Variants in UMODL1 observed in about 807,000 individuals in gnomAD.
UMODL1 encodes the protein uromodulin like 1, also known as uromodulin-like 1.
UMODL1 carries 128 observed loss-of-function variants against 136.3 expected under a neutral mutation model. That is an observed-to-expected ratio of 0.94 (90% CI 0.81 to 1.09). The LOEUF is 1.09. UMODL1 is among the 50% of genes least tolerant of loss of function. The probability of loss-of-function intolerance (pLI) is 0.00; values close to 1 mark genes in which losing one functional copy is unlikely to be tolerated. For synonymous variants in UMODL1, 721 were observed against 720.0 expected (o/e 1.00, Z -0.02); for missense variants, 1,766 against 1,725.6 (o/e 1.02, Z -0.41).
chr21:42,116,282 A>G (rs1273272809), intron 14 of UMODL1, among the ~76,000 whole-genome samples: 3 of 151,204 alleles, frequency 2.0e-5, no homozygotes, highest in Non-Finnish European at 4.4e-5. Context: ...TGAACCCAGG[A>G]GGCAGAGGTT....
intron 2 of UMODL1, among the ~76,000 whole-genome samples, chr21:42,079,631 C>T (rs1266282502): frequency 6.6e-6 from 1 of 152,232 alleles, no homozygotes; most frequent in Non-Finnish European, 1.5e-5. Flanking sequence ...GGGAAACAGG[C>T]ACTGCCTGAG....
intron 21 of UMODL1, among the ~76,000 whole-genome samples, chr21:42,130,911 A>G (rs78070361): frequency 0.055 from 8,249 of 150,548 alleles, 354 homozygotes; most frequent in East Asian, 0.23. Flanking sequence ...CTGGGTTCAC[A>G]CCATTCTCCT....
At chr21:42,106,431 A>G (rs2066719873) in intron 9 of UMODL1, among the ~76,000 whole-genome samples, 1 of 152,232 alleles carries the variant, frequency 6.6e-6, no homozygotes, top group South Asian at 2.1e-4. Context: ...CAACTAGAGC[A>G]TTCCTCAGTC....
At chr21:42,119,427 G>A in intron 15 of UMODL1, 103 bp downstream of exon 15, 1 of 1,023,752 alleles carries the variant, frequency 9.8e-7, no homozygotes, top group Non-Finnish European at 1.5e-6. Flanking sequence ...TTGTGCCCAT[G>A]TGGTCCTTCT....
rs376066495 is a variant in UMODL1, at chr21:42,124,175, C to A, written c.3147+1025C>A. 3.3e-5 allele frequency among the ~76,000 whole-genome samples: 5 copies of A among 152,222 alleles called. No homozygotes were observed. The East Asian group carries it at 5.8e-4, about 18-fold the overall frequency. On this transcript the variant is annotated intron_variant, in intron 17 of 22. Transcript: ENST00000408910. ...GTTCGTCTCCAACCCCACTTGGCCA[C>A]ATGGAGCACAAAGGCTTCGTGTTCA...
rs59428323 is a variant in UMODL1 at position 42,122,662 on chromosome 21, CGTGTGTGT to C, written c.2828-157_2828-150del. 0.021 allele frequency among the ~76,000 whole-genome samples: 3,162 copies of C among 150,368 alleles called. 54 individuals are homozygous for C. Among genetic ancestry groups the C allele is most frequent in the Middle Eastern group, 0.044 (13 of 294 alleles). On this transcript the variant is annotated intron_variant, in intron 16 of 22. Transcript: ENST00000408910. The surrounding 1 kb of genome is among the most constrained non-coding windows in gnomAD (Gnocchi z 4.3). The stretch of plus-strand genomic sequence containing the variant: ...GTGTACGTGTGTGTGCATATGTGTG[CGTGTGTGT>C]GTGTGTGTGTGCACGTGTGTAGTTG...
intron 17 of UMODL1, among the ~76,000 whole-genome samples, chr21:42,125,347 G>A (rs2123358168): frequency 6.6e-6 from 1 of 152,192 alleles, no homozygotes; most frequent in South Asian, 2.1e-4. Flanking sequence ...TGGGACTGAG[G>A]GTGGCCAGGA....
At position 42,085,327 on chromosome 21, in the gene UMODL1, T is replaced by C; in HGVS notation, c.518T>C (p.Val173Ala). The C allele has an allele frequency of 6.2e-7, 1 of 1,614,044 alleles. No homozygotes were observed. The highest frequency in any genetic ancestry group is 8.5e-7 in the Non-Finnish European group (1 of 1,179,964). Reference protein sequence around the residue: ...ERDPVGSWYNVTILVKMDFKE... With the variant: ...ERDPVGSWYNATILVKMDFKE... ...GACCCTGTGGGCTCCTGGTACAACG[T>C]CACCATACTGGTGAAAATGGACTTC... The change falls in exon 4 of 23, where the codon GTC (valine) becomes GCC (alanine). Residue 173 changes from valine to alanine, a missense_variant. Val to Ala is a moderately conservative substitution (Grantham distance 64, BLOSUM62 0). Coordinates refer to ENST00000408910, the MANE Select transcript of UMODL1 (RefSeq NM_001004416.3). This position sits in a 1 kb window ranked among gnomAD's most constrained non-coding sequence, Gnocchi z 4.5.
chr21:42,089,678 G>C (rs2066467436), intron 5 of UMODL1, among the ~76,000 whole-genome samples: 1 of 152,242 alleles, frequency 6.6e-6, no homozygotes, highest in Non-Finnish European at 1.5e-5. Context: ...GACTGGGAAT[G>C]TCAATACATC....
Position 42,127,091 on chromosome 21 carries a change from C to A in UMODL1, c.3379C>A (p.Gln1127Lys), listed in dbSNP as rs2067067034. The change falls in exon 19 of 23, where the codon CAG (glutamine) becomes AAG (lysine). Residue 1127 changes from glutamine (Q) to lysine (K), a missense_variant. By Grantham distance (53) the Gln-to-Lys change is moderately conservative. Transcript: ENST00000408910. ...QLFIGDSPIPQNYSVSASDDV... is the reference protein window; with the variant it reads ...QLFIGDSPIPKNYSVSASDDV... ...GTTTATCGGAGACTCTCCCATACCT[C>A]AGAATTATAGCGTGTCTGCCAGTGA... 6.2e-7 allele frequency: 1 copy of A among 1,614,078 alleles called. No homozygotes were observed. The highest frequency in any genetic ancestry group is 1.7e-5 in the Admixed American group (1 of 60,002).
Position 42,123,260 on chromosome 21 carries a change from C to T in UMODL1, c.3147+110C>T. On this transcript the variant is annotated intron_variant, in intron 17 of 22. Coordinates refer to ENST00000408910, the MANE Select transcript of UMODL1 (RefSeq NM_001004416.3). The surrounding 1 kb of genome is among the most constrained non-coding windows in gnomAD (Gnocchi z 4.4). Reference sequence around the variant, plus strand: ...GCAAGACTCTGCACCCCGAGGGGAACCCAGCAAGGGGGGTTCAGGACAGGG... The same window carrying T: ...GCAAGACTCTGCACCCCGAGGGGAATCCAGCAAGGGGGGTTCAGGACAGGG... The T allele has an allele frequency of 7.8e-7, 1 of 1,279,728 alleles. No homozygotes were observed. Among genetic ancestry groups the T allele is most frequent in the Non-Finnish European group, 1.1e-6 (1 of 943,280 alleles). The allele number at this position is 1,279,728 out of a possible 1,614,324, so 79.3% of individuals were successfully genotyped here. A position where few individuals can be genotyped will look rare whatever the true frequency, so the allele number is the denominator to read the frequency against.
Position 42,111,652 on chromosome 21 carries a change from C to T in UMODL1, c.2046C>T (p.Ser682=), listed in dbSNP as rs370283567. 114 of 1,613,894 alleles carry T rather than the reference C, an allele frequency of 7.1e-5. No individual in the cohort carries two copies. Among genetic ancestry groups the T allele is most frequent in the African/African-American group, 3.3e-4 (25 of 74,936 alleles). The change falls in exon 12 of 23, where the codon TCC becomes TCT. Residue 682 remains serine, a synonymous_variant. Coordinates refer to ENST00000408910, the MANE Select transcript of UMODL1 (RefSeq NM_001004416.3). ...TWLRNEDSGP[S]GSVDLPLTST... ...TGCGAAATGAGGACAGTGGACCCTC[C>T]GGTTCTGTAGACCTGCCATTGACCT...
intron 6 of UMODL1, among the ~76,000 whole-genome samples, chr21:42,098,236 C>CA (rs2066581475): frequency 6.6e-6 from 1 of 152,184 alleles, no homozygotes; most frequent in Non-Finnish European, 1.5e-5. Context: ...CCCCACGACT[C>CA]AATGCTGTTC....
In UMODL1 at chr21:42,099,345, G is replaced by C. The variant is rs941397293; in HGVS notation, c.1186+165G>C. 6.6e-6 allele frequency among the ~76,000 whole-genome samples: 1 copy of C among 152,112 alleles called. No homozygotes were observed. On this transcript the variant is annotated intron_variant, in intron 7 of 22. Transcript: ENST00000408910. The surrounding 1 kb of genome is among the most constrained non-coding windows in gnomAD (Gnocchi z 4.1). ...CTCCCAGTCATCCCACTGCCTGCCC[G>C]GCATTGCACCGGCCCGCTGGTGCCT... is the stretch of plus-strand genomic sequence containing the variant.
chr21:42,076,377 C>T (rs1426582187), intron 2 of UMODL1, 130 bp downstream of exon 2: 18 of 1,439,914 alleles, frequency 1.3e-5, no homozygotes, highest in South Asian at 1.3e-5. Context: ...CCAGCCTTGA[C>T]CAGGCAGCAG....
chr21:42,098,610 T>C (rs1241650252), intron 6 of UMODL1, among the ~76,000 whole-genome samples: 1 of 137,882 alleles, frequency 7.3e-6, no homozygotes, highest in Non-Finnish European at 1.6e-5. Flanking sequence ...CTACTAAAAA[T>C]GCAAAAAATT....
intron 21 of UMODL1, among the ~76,000 whole-genome samples, chr21:42,132,225 C>T (rs1185361195): frequency 6.6e-6 from 1 of 151,930 alleles, no homozygotes; most frequent in Non-Finnish European, 1.5e-5. Flanking sequence ...ATCTATCATC[C>T]ATCCATCCAT....
In UMODL1 at chr21:42,113,699, C is replaced by A; in HGVS notation, c.2231C>A (p.Ala744Asp). ...ACTCTGACTTCCATGTGGAGCCCTG[C>A]TGTGGTCCTAGAGACCTGGAACACG... Reference protein sequence around the residue: ...QLTLTSMWSPAVVLETWNTSV... With the variant: ...QLTLTSMWSPDVVLETWNTSV... The change falls in exon 13 of 23, where the codon GCT becomes GAT. Residue 744 changes from alanine (A) to aspartate (D), a missense_variant. Physicochemically the swap from Ala to Asp is moderately radical, Grantham distance 126 (BLOSUM62 -2). Coordinates refer to ENST00000408910, the MANE Select transcript of UMODL1 (RefSeq NM_001004416.3). The A allele has an allele frequency of 6.2e-7, 1 of 1,614,090 alleles. No homozygotes were observed. The highest frequency in any genetic ancestry group is 1.1e-5 in the South Asian group (1 of 91,074).
chr21:42,101,470 A>T (rs193118159), intron 7 of UMODL1, among the ~76,000 whole-genome samples: 57 of 152,260 alleles, frequency 3.7e-4, no homozygotes, highest in African/African-American at 1.3e-3. Context: ...CAGCTGGGAG[A>T]GAGCCAGGGT....
Sources: gnomAD v4.1 joint callset for allele counts (sites outside exome capture counted in the v4.1 genomes callset) on GRCh38, gnomAD v4.1.1 for gene constraint, Gnocchi (gnomAD v3.1) non-coding constraint, MANE v1.5 for transcripts, NCBI Gene and HGNC (gene_info 2026-07-23, HGNC 2026-07-21) for gene names.